PAPPA2: variants seen among roughly 807,000 people sequenced by gnomAD.
The protein encoded by PAPPA2 is pappalysin-2.
PAPPA2 carries 86 observed loss-of-function variants against 176.4 expected under a neutral mutation model. The ratio of observed to expected loss-of-function variants is 0.49; its 90% CI spans 0.41 to 0.58. The LOEUF is 0.58. Ranked by LOEUF, PAPPA2 falls within the 20% of genes least tolerant of loss-of-function variation. The pLI is 0.00. For synonymous variants in PAPPA2, 809 were observed against 852.2 expected (o/e 0.95, Z 0.88); for missense variants, 2,073 against 2,256.9 (o/e 0.92, Z 1.65).
rs754141141 is a variant in PAPPA2 at position 176,769,800 on chromosome 1, C to T, written c.4501+16C>T. On this transcript the variant is annotated intron_variant, in intron 16 of 22. Coordinates refer to ENST00000367662, the MANE Select transcript of PAPPA2 (RefSeq NM_020318.3). ...AAGCTGCAAGGTATTGTCTGGTCAACCAGGAACTGTATGCAAGTTCTCTGC... is the reference window on the plus strand; with the variant it reads ...AAGCTGCAAGGTATTGTCTGGTCAATCAGGAACTGTATGCAAGTTCTCTGC... The T allele has an allele frequency of 6.3e-7, 1 of 1,580,154 alleles. No homozygotes were observed.
At chr1:176,769,468 T>G in intron 15 of PAPPA2, 139 bp from the exon 16 acceptor site, 2 of 840,238 alleles carry the variant, frequency 2.4e-6, no homozygotes, top group Non-Finnish European at 3.7e-6. Flanking sequence ...CAGTGAGGCC[T>G]GAAGAGGGAG....
At chr1:176,488,029 A>G (rs1255410056) in intron 1 of PAPPA2, among the ~76,000 whole-genome samples, 2 of 152,318 alleles carry the variant, frequency 1.3e-5, no homozygotes, top group South Asian at 4.1e-4. Context: ...TAAGCAGCCA[A>G]ATTATCTATG....
At chr1:176,752,769 CA>C (rs1433375254) in intron 14 of PAPPA2, among the ~76,000 whole-genome samples, 1 of 152,206 alleles carries the variant, frequency 6.6e-6, no homozygotes, top group Non-Finnish European at 1.5e-5. Flanking sequence ...ATTTGGGTAA[CA>C]TGCCATGTTA....
At chr1:176,808,577 T>C (rs756985545) in intron 21 of PAPPA2, among the ~76,000 whole-genome samples, 13 of 152,190 alleles carry the variant, frequency 8.5e-5, no homozygotes, top group Non-Finnish European at 1.9e-4. Flanking sequence ...TTTTTTAAAT[T>C]GTGACTTATC....
intron 3 of PAPPA2, among the ~76,000 whole-genome samples, chr1:176,654,908 G>T (rs1015867535): frequency 1.3e-5 from 2 of 151,792 alleles, no homozygotes; most frequent in East Asian, 2.0e-4. Flanking sequence ...ACTGATTTGG[G>T]TATGATAATT....
intron 17 of PAPPA2, among the ~76,000 whole-genome samples, chr1:176,775,972 G>C (rs768764050): frequency 1.3e-5 from 2 of 152,160 alleles, no homozygotes; most frequent in Non-Finnish European, 2.9e-5. Flanking sequence ...AGGTTGTAAA[G>C]TATATGTAGT....
chr1:176,711,052 T>C (rs1015927552), intron 11 of PAPPA2, among the ~76,000 whole-genome samples: 2 of 152,010 alleles, frequency 1.3e-5, no homozygotes, highest in Non-Finnish European at 2.9e-5. Flanking sequence ...ATTGGGAAAA[T>C]AATAGCTTTT....
intron 8 of PAPPA2, among the ~76,000 whole-genome samples, chr1:176,700,290 G>A (rs1014685451): frequency 6.6e-5 from 10 of 152,310 alleles, no homozygotes; most frequent in Admixed American, 2.0e-4. Flanking sequence ...GTACTCCAAA[G>A]GCAAATTCTC....
At chr1:176,702,883 G>A (rs1325452518) in intron 9 of PAPPA2, 148 bp downstream of exon 9, 31 of 1,126,846 alleles carry the variant, frequency 2.8e-5, no homozygotes, top group Non-Finnish European at 3.3e-5. Context: ...TAGGGAGCAA[G>A]GCACCATTTG....
At chr1:176,816,377 G>A (rs1438452411) in intron 21 of PAPPA2, among the ~76,000 whole-genome samples, 2 of 144,796 alleles carry the variant, frequency 1.4e-5, no homozygotes, top group African/African-American at 2.6e-5. Flanking sequence ...ACATCATCAC[G>A]CACACACACA....
intron 1 of PAPPA2, among the ~76,000 whole-genome samples, chr1:176,485,311 C>T (rs77548642): frequency 7.9e-5 from 12 of 152,248 alleles, no homozygotes; most frequent in East Asian, 5.8e-4. Flanking sequence ...CTCCCCATTA[C>T]GTCTCTGATC....
intron 3 of PAPPA2, among the ~76,000 whole-genome samples, chr1:176,643,377 G>T (rs1212816359): frequency 6.6e-6 from 1 of 151,020 alleles, no homozygotes. Flanking sequence ...GCCTTTGCCG[G>T]TCTGCAAGCT....
At chr1:176,471,807 C>T (rs751875866) in intron 1 of PAPPA2, among the ~76,000 whole-genome samples, 11 of 152,104 alleles carry the variant, frequency 7.2e-5, no homozygotes, top group East Asian at 1.9e-4. Context: ...ATTTGTTACT[C>T]GGGGCATTTG....
At chr1:176,647,283 T>A (rs1296228772) in intron 3 of PAPPA2, among the ~76,000 whole-genome samples, 1 of 151,702 alleles carries the variant, frequency 6.6e-6, no homozygotes, top group Non-Finnish European at 1.5e-5. Flanking sequence ...AATTGAGTTG[T>A]TTGAGCTCCG....
chr1:176,684,205 G>T (rs1659724790), intron 4 of PAPPA2, among the ~76,000 whole-genome samples: 1 of 152,170 alleles, frequency 6.6e-6, no homozygotes, highest in Non-Finnish European at 1.5e-5. Context: ...GTCTGGCATT[G>T]TGAATTGAGT....
intron 1 of PAPPA2, among the ~76,000 whole-genome samples, chr1:176,547,725 T>C (rs1650716687): frequency 1.3e-5 from 2 of 151,862 alleles, no homozygotes; most frequent in Non-Finnish European, 1.5e-5. Context: ...CCCTAGCCTG[T>C]ACCCACTAGA....
rs755682804 is a variant in PAPPA2 at position 176,789,888 on chromosome 1, C to T, written c.4795C>T (p.Pro1599Ser). ...SCIPVVCEPP[P>S]PVFEGMYECT... Reference sequence around the variant, plus strand: ...CATTCCTGTGGTGTGTGAGCCACCCCCTCCTGTGTTTGAAGGCATGTATGA... The same window carrying T: ...CATTCCTGTGGTGTGTGAGCCACCCTCTCCTGTGTTTGAAGGCATGTATGA... The change falls in exon 18 of 23, where the codon CCT becomes TCT. Residue 1599 changes from proline (P) to serine (S), a missense_variant. Coordinates refer to ENST00000367662, the MANE Select transcript of PAPPA2 (RefSeq NM_020318.3). 1.9e-6 allele frequency: 3 copies of T among 1,614,018 alleles called. No individual in the cohort carries two copies. The highest frequency in any genetic ancestry group is 2.5e-6 in the Non-Finnish European group (3 of 1,180,022).
chr1:176,545,757 C>A (rs1275555700), intron 1 of PAPPA2, among the ~76,000 whole-genome samples: 1 of 152,124 alleles, frequency 6.6e-6, no homozygotes, highest in African/African-American at 2.4e-5. Context: ...AATGTCATAG[C>A]CTTCTTTTAG....
chr1:176,804,192 A>G (rs140951609), intron 21 of PAPPA2, among the ~76,000 whole-genome samples: 1 of 152,322 alleles, frequency 6.6e-6, no homozygotes, highest in Non-Finnish European at 1.5e-5. Flanking sequence ...TATCCATCAC[A>G]GAAGTATTGT....
Sources: gnomAD v4.1 joint callset for allele counts (sites outside exome capture counted in the v4.1 genomes callset) on GRCh38, gnomAD v4.1.1 for gene constraint, MANE v1.5 for transcripts, NCBI Gene and HGNC (gene_info 2026-07-23, HGNC 2026-07-21) for gene names.